The following ETNK1 variants were observed in gnomAD, a reference collection of about 807,000 sequenced individuals.
The protein encoded by ETNK1 is ethanolamine kinase 1.
A neutral mutation model predicts 45.1 loss-of-function variants in ETNK1; 8 were observed. The observed-to-expected ratio is 0.18, with a 90% CI of 0.10 to 0.32. ETNK1 has a LOEUF of 0.32. Ranked by LOEUF, ETNK1 falls within the 10% of genes least tolerant of loss-of-function variation. The probability of loss-of-function intolerance (pLI) is 1.00; values close to 1 mark genes in which losing one functional copy is unlikely to be tolerated. For synonymous variants in ETNK1, 152 were observed against 151.9 expected, an observed-to-expected ratio of 1.00 and a Z score of -0.01; for missense variants, 302 against 430.6, an observed-to-expected ratio of 0.70 and a Z score of 2.64.
chr12:22,659,366 T>G (rs1202265869), intron 3 of ETNK1, among the ~76,000 whole-genome samples: 1 of 152,108 alleles, frequency 6.6e-6, no homozygotes, highest in Non-Finnish European at 1.5e-5. Flanking sequence ...AAATATGCCC[T>G]ACAACAGCAA....
chr12:22,641,503 C>A (rs552368978), intron 1 of ETNK1, among the ~76,000 whole-genome samples: 1 of 152,198 alleles, frequency 6.6e-6, no homozygotes, highest in South Asian at 2.1e-4. Flanking sequence ...GTAACCCTAT[C>A]TAATGTTGAA....
intron 1 of ETNK1, among the ~76,000 whole-genome samples, chr12:22,635,667 C>G (rs905165849): frequency 6.6e-6 from 1 of 152,082 alleles, no homozygotes; most frequent in African/African-American, 2.4e-5. Flanking sequence ...GTATTTGATT[C>G]ATTTCCAATG....
Position 22,685,169 on chromosome 12 carries a change from G to A in ETNK1, c.*215G>A. On this transcript the variant is annotated 3_prime_UTR_variant, in exon 8 of 8. Coordinates refer to ENST00000266517, the MANE Select transcript of ETNK1 (RefSeq NM_018638.5). ...TATCCGTATGTGGTGGATTAGAAATGTGTTAAATCTGCAAAAGGTATAAAG... is the reference window on the plus strand; with the variant it reads ...TATCCGTATGTGGTGGATTAGAAATATGTTAAATCTGCAAAAGGTATAAAG... 1 of 413,452 alleles carries A rather than the reference G, an allele frequency of 2.4e-6. No individual in the cohort carries two copies. Among genetic ancestry groups the A allele is most frequent in the Non-Finnish European group, 4.3e-6 (1 of 230,948 alleles). 25.6% of individuals were successfully genotyped at this position (413,452 alleles called of 1,614,324 possible). A position where few individuals can be genotyped will look rare whatever the true frequency, so the allele number is the denominator to read the frequency against.
At chr12:22,673,731 C>CGTCAT (rs771116039) in intron 6 of ETNK1, 71 bp downstream of exon 6, 118 of 1,401,782 alleles carry the variant, frequency 8.4e-5, no homozygotes, top group Non-Finnish European at 1.1e-4. Flanking sequence ...TTTTCGTCAT[C>CGTCAT]TTAGACAATT....
At chr12:22,674,467 C>G (rs1954140896) in intron 6 of ETNK1, among the ~76,000 whole-genome samples, 1 of 152,104 alleles carries the variant, frequency 6.6e-6, no homozygotes, top group South Asian at 2.1e-4. Context: ...CAGAATACAT[C>G]CCAAGTAAGA....
At chr12:22,635,586 ATCAT>A (rs1465560638) in intron 1 of ETNK1, among the ~76,000 whole-genome samples, 2 of 152,208 alleles carry the variant, frequency 1.3e-5, no homozygotes, top group East Asian at 3.8e-4. Flanking sequence ...TGTGTTTATT[ATCAT>A]TCAGTTCAAA....
intron 4 of ETNK1, among the ~76,000 whole-genome samples, chr12:22,667,020 T>G (rs1954059638): frequency 6.6e-6 from 1 of 152,216 alleles, no homozygotes; most frequent in African/African-American, 2.4e-5. Context: ...TCTAGGGTGG[T>G]GTTTTTAAAT....
chr12:22,660,358 A>AACG (rs1279993577), intron 3 of ETNK1, among the ~76,000 whole-genome samples: 1 of 152,150 alleles, frequency 6.6e-6, no homozygotes, highest in Non-Finnish European at 1.5e-5. Context: ...GTAGTAGCCC[A>AACG]ATTTTGTTTC....
intron 7 of ETNK1, 124 bp downstream of exon 7, chr12:22,684,680 T>G: frequency 2.5e-6 from 2 of 787,028 alleles, no homozygotes; most frequent in Non-Finnish European, 4.1e-6. Context: ...ACTTAGTAAT[T>G]GGTCTGTGAA....
chr12:22,633,037 G>C (rs749312326), intron 1 of ETNK1, among the ~76,000 whole-genome samples: 1 of 151,978 alleles, frequency 6.6e-6, no homozygotes, highest in Non-Finnish European at 1.5e-5. Context: ...CACAAATTAT[G>C]CTTCTTACAA....
intron 2 of ETNK1, among the ~76,000 whole-genome samples, chr12:22,644,945 T>C (rs886903750): frequency 6.6e-6 from 1 of 151,924 alleles, no homozygotes; most frequent in South Asian, 2.1e-4. Context: ...CTGACAAAAA[T>C]GGAATGTACC....
chr12:22,638,024 A>G (rs10842044), intron 1 of ETNK1, among the ~76,000 whole-genome samples: 35,270 of 151,590 alleles, frequency 0.23, 4,950 homozygotes, highest in Non-Finnish European at 0.33. Context: ...GGGGAGGTCT[A>G]TTGTTGATTG....
chr12:22,649,592 A>G (rs1160183755), intron 2 of ETNK1, among the ~76,000 whole-genome samples: 1 of 152,084 alleles, frequency 6.6e-6, no homozygotes, highest in Non-Finnish European at 1.5e-5. Flanking sequence ...TTTTGCAGAT[A>G]TCACACTACC....
Position 22,663,850 on chromosome 12 carries a change from G to GT in ETNK1, c.700+2655dup, listed in dbSNP as rs569311749. 1.2e-3 allele frequency among the ~76,000 whole-genome samples: 177 copies of GT among 146,472 alleles called. 4 individuals are homozygous for GT. In the South Asian group the frequency reaches 0.02, roughly 17 times the overall value. ...TGTGTCTTAGTTACAGAAATGTTCT[G>GT]TTTTTTTTTTCTCTCTCCTTACGTG... On this transcript the variant is annotated intron_variant, in intron 4 of 7. Transcript: ENST00000266517.
chr12:22,644,459 T>C (rs1953781261), intron 2 of ETNK1: 2 of 920,628 alleles, frequency 2.2e-6, no homozygotes, highest in Non-Finnish European at 1.4e-6. Flanking sequence ...TAATATATTA[T>C]GTTTTCTATA....
chr12:22,659,710 G>T (rs1953980085), intron 3 of ETNK1, among the ~76,000 whole-genome samples: 1 of 152,096 alleles, frequency 6.6e-6, no homozygotes, highest in African/African-American at 2.4e-5. Context: ...ACAGTGCCTG[G>T]TCATCACTTA....
At chr12:22,660,583 T>C (rs756612958) in intron 3 of ETNK1, among the ~76,000 whole-genome samples, 45 of 152,162 alleles carry the variant, frequency 3.0e-4, no homozygotes, top group Non-Finnish European at 6.0e-4. Flanking sequence ...ACAGTAATCT[T>C]TTGACTTTTC....
intron 4 of ETNK1, among the ~76,000 whole-genome samples, chr12:22,669,632 A>G (rs1293039303): frequency 6.6e-6 from 1 of 152,164 alleles, no homozygotes; most frequent in Non-Finnish European, 1.5e-5. Flanking sequence ...CCTAGAAAAG[A>G]AACTTTAAAA....
chr12:22,677,121 T>G (rs995966874), intron 6 of ETNK1, among the ~76,000 whole-genome samples: 60 of 152,306 alleles, frequency 3.9e-4, no homozygotes, highest in African/African-American at 1.4e-3. Flanking sequence ...TAGGTTTTCT[T>G]CTAGGGTTTT....
Sources: gnomAD v4.1 joint callset for allele counts (sites outside exome capture counted in the v4.1 genomes callset) on GRCh38, gnomAD v4.1.1 for gene constraint, MANE v1.5 for transcripts, NCBI Gene and HGNC (gene_info 2026-07-23, HGNC 2026-07-21) for gene names.